CSMD1: variants seen among roughly 807,000 people sequenced by gnomAD.
The protein encoded by CSMD1 is CUB and sushi domain-containing protein 1.
Under a neutral mutation model 417.5 loss-of-function variants are expected in CSMD1, and 213 were observed. The ratio of observed to expected loss-of-function variants is 0.51; its 90% CI spans 0.46 to 0.57. CSMD1 has a LOEUF of 0.57. CSMD1 is among the 20% of genes least tolerant of loss of function. The pLI, the probability that CSMD1 is intolerant of heterozygous loss-of-function variation, is 0.00. For synonymous variants in CSMD1, 2,862 were observed against 1,736.8 expected (o/e 1.65, Z -16.11); for missense variants, 6,923 against 4,529.7 (o/e 1.53, Z -15.17).
At chr8:3,063,588 G>A (rs1311940792) in intron 49 of CSMD1, among the ~76,000 whole-genome samples, 2 of 152,210 alleles carry the variant, frequency 1.3e-5, no homozygotes, top group Non-Finnish European at 2.9e-5. Flanking sequence ...CGAAGTGTCT[G>A]CCAAGAGATG....
chr8:3,336,142 C>T, intron 23 of CSMD1, among the ~76,000 whole-genome samples: 1 of 148,052 alleles, frequency 6.8e-6, no homozygotes, highest in Middle Eastern at 3.2e-3. Context: ...ACCTCTGTTC[C>T]CTCATACCTA....
intron 2 of CSMD1, among the ~76,000 whole-genome samples, chr8:4,621,206 A>G (rs1801760743): frequency 6.6e-6 from 1 of 152,040 alleles, no homozygotes; most frequent in Non-Finnish European, 1.5e-5. Context: ...TGGGGATGAG[A>G]CCCAACACTA....
chr8:4,116,635 G>A (rs558412819), intron 3 of CSMD1, among the ~76,000 whole-genome samples: 7 of 149,536 alleles, frequency 4.7e-5, no homozygotes, highest in Non-Finnish European at 8.9e-5. Flanking sequence ...CGCCATGAAT[G>A]AACCCTAACG....
chr8:4,393,032 G>C (rs1230323350), intron 3 of CSMD1, among the ~76,000 whole-genome samples: 3 of 152,162 alleles, frequency 2.0e-5, no homozygotes, highest in African/African-American at 2.4e-5. Flanking sequence ...CTGGAGTGCA[G>C]TGACATGACC....
rs541034669 is a variant in CSMD1 at position 4,784,702 on chromosome 8, G to A, written c.86-147144C>T. On this transcript the variant is annotated intron_variant, in intron 1 of 69. Coordinates refer to ENST00000635120, the MANE Select transcript of CSMD1 (RefSeq NM_033225.6). ...TCAGAAGGACCTAGTGGAAGAGAATGTAGATAATGTATTGGAATGTTAATA... is the reference window on the plus strand; with the variant it reads ...TCAGAAGGACCTAGTGGAAGAGAATATAGATAATGTATTGGAATGTTAATA... 5.0e-4 allele frequency among the ~76,000 whole-genome samples: 76 copies of A among 152,314 alleles called. No homozygotes were observed. In the South Asian group the frequency reaches 0.015, roughly 29 times the overall value.
In CSMD1 at chr8:4,447,147, C is replaced by G. The variant is rs547142996; in HGVS notation, c.303-27082G>C. On this transcript the variant is annotated intron_variant, in intron 2 of 69. Transcript: ENST00000635120. The stretch of plus-strand genomic sequence containing the variant: ...TTGCAAATAGAATGTTAAAGACAAA[C>G]AACATTTTAATAAATTATTGATCCC... Among the ~76,000 whole-genome samples, 4 of 152,214 alleles carry G rather than the reference C, an allele frequency of 2.6e-5. No individual in the cohort carries two copies. In the South Asian group the frequency reaches 8.3e-4, roughly 32 times the overall value.
At chr8:4,411,344 G>A (rs971665034) in intron 3 of CSMD1, among the ~76,000 whole-genome samples, 1 of 151,690 alleles carries the variant, frequency 6.6e-6, no homozygotes, top group African/African-American at 2.4e-5. Flanking sequence ...TTTCTATCAA[G>A]AGCACCTTGA....
chr8:4,012,900 G>C (rs184002341), intron 4 of CSMD1, among the ~76,000 whole-genome samples: 12 of 152,230 alleles, frequency 7.9e-5, no homozygotes, highest in Non-Finnish European at 1.3e-4. Flanking sequence ...ACTGTGTAGG[G>C]AAATTCCATC....
chr8:4,184,203 G>A lies in CSMD1; in HGVS notation c.416-152104C>T, dbSNP rs76103316. On this transcript the variant is annotated intron_variant, in intron 3 of 69. Transcript: ENST00000635120. ...TTATATTAAATCTGTGTCAGTCTGA[G>A]CCTAAGAGTATAACTGTAAGCAGAG... Among the ~76,000 whole-genome samples, 189 of 152,274 alleles carry A rather than the reference G, an allele frequency of 1.2e-3. 1 individual carries two copies. The highest frequency in any genetic ancestry group is 0.011 in the South Asian group (52 of 4,820).
chr8:4,247,942 T>C (rs1802813063), intron 3 of CSMD1, among the ~76,000 whole-genome samples: 1 of 152,180 alleles, frequency 6.6e-6, no homozygotes, highest in African/African-American at 2.4e-5. Flanking sequence ...AATCAAATAT[T>C]CATAATTTTT....
At chr8:4,629,624 T>A (rs1224938227) in intron 2 of CSMD1, among the ~76,000 whole-genome samples, 1 of 152,196 alleles carries the variant, frequency 6.6e-6, no homozygotes, top group African/African-American at 2.4e-5. Context: ...TTATATGTGA[T>A]TTCTAAATTA....
At chr8:3,575,330 C>T (rs548444288) in intron 9 of CSMD1, among the ~76,000 whole-genome samples, 1 of 152,134 alleles carries the variant, frequency 6.6e-6, no homozygotes, top group Admixed American at 6.6e-5. Context: ...AAGGATCTAA[C>T]AGATGACAGC....
intron 35 of CSMD1, among the ~76,000 whole-genome samples, chr8:3,188,233 T>C (rs1402210794): frequency 7.4e-5 from 5 of 67,708 alleles, no homozygotes; most frequent in Non-Finnish European, 3.0e-5. Flanking sequence ...TATCTATATA[T>C]ACATGGCAAA....
chr8:3,313,165 TCTAGAAGAAAAC>T (rs1457780423), intron 23 of CSMD1, among the ~76,000 whole-genome samples: 1 of 152,042 alleles, frequency 6.6e-6, no homozygotes, highest in Admixed American at 6.6e-5. Flanking sequence ...CCATAAAAAC[TCTAGAAGAAAAC>T]CTAGGCAATA....
At chr8:3,808,853 C>A (rs1800900711) in intron 5 of CSMD1, among the ~76,000 whole-genome samples, 1 of 152,128 alleles carries the variant, frequency 6.6e-6, no homozygotes, top group African/African-American at 2.4e-5. Context: ...GAAAGCGCAG[C>A]CCTTAGGTCT....
At chr8:4,730,780 T>A (rs886485265) in intron 1 of CSMD1, among the ~76,000 whole-genome samples, 1 of 151,820 alleles carries the variant, frequency 6.6e-6, no homozygotes, top group Non-Finnish European at 1.5e-5. Flanking sequence ...AGGAAATGAA[T>A]AAATGAATAG....
chr8:3,084,777 T>A (rs1483491458), intron 49 of CSMD1, among the ~76,000 whole-genome samples: 2 of 151,992 alleles, frequency 1.3e-5, no homozygotes, highest in Admixed American at 6.6e-5. Context: ...ATGGCCTTTA[T>A]CCAGATAATC....
chr8:4,808,159 G>A (rs1798696102), intron 1 of CSMD1, among the ~76,000 whole-genome samples: 3 of 152,190 alleles, frequency 2.0e-5, no homozygotes, highest in African/African-American at 7.2e-5. Flanking sequence ...TTCCGGCGGT[G>A]TGGAGTCACA....
chr8:3,686,500 A>T (rs1799951895), intron 7 of CSMD1, among the ~76,000 whole-genome samples: 1 of 152,214 alleles, frequency 6.6e-6, no homozygotes, highest in Non-Finnish European at 1.5e-5. Flanking sequence ...CTTAAAAAAA[A>T]GCCAGTTACA....
Sources: gnomAD v4.1 joint callset for allele counts (sites outside exome capture counted in the v4.1 genomes callset) on GRCh38, gnomAD v4.1.1 for gene constraint, MANE v1.5 for transcripts, NCBI Gene and HGNC (gene_info 2026-07-23, HGNC 2026-07-21) for gene names.